SORCS3: variants seen among roughly 807,000 people sequenced by gnomAD.
SORCS3 encodes VPS10 domain-containing receptor SorCS3.
Under a neutral mutation model 146.3 loss-of-function variants are expected in SORCS3, and 57 were observed. The observed-to-expected ratio is 0.39, with a 90% confidence interval of 0.31 to 0.49. The LOEUF (loss-of-function observed/expected upper bound fraction) is 0.49. SORCS3 is among the 20% of genes least tolerant of loss of function. The pLI, the probability that SORCS3 is intolerant of heterozygous loss-of-function variation, is 0.92. For missense variants in SORCS3, 1,341 were observed against 1,575.5 expected, an observed-to-expected ratio of 0.85 and a Z score of 2.52; for synonymous variants, 653 against 618.5, an observed-to-expected ratio of 1.06 and a Z score of -0.83.
At chr10:105,036,957 G>C (rs2797819) in intron 4 of SORCS3, among the ~76,000 whole-genome samples, 31,487 of 152,078 alleles carry the variant, frequency 0.21, 3,524 homozygotes, top group African/African-American at 0.29. Flanking sequence ...TTTCCTATGA[G>C]GAAAGTTTAT....
chr10:105,051,144 G>A (rs914410509), intron 5 of SORCS3, among the ~76,000 whole-genome samples: 1 of 152,090 alleles, frequency 6.6e-6, no homozygotes, highest in African/African-American at 2.4e-5. Flanking sequence ...ATTGTTTATT[G>A]TAAATATCTG....
At chr10:104,918,498 A>G (rs1465347879) in intron 3 of SORCS3, among the ~76,000 whole-genome samples, 6 of 152,180 alleles carry the variant, frequency 3.9e-5, no homozygotes, top group Non-Finnish European at 7.3e-5. Context: ...CATGTCCTTG[A>G]TGGGCACATG....
intron 14 of SORCS3, among the ~76,000 whole-genome samples, chr10:105,196,498 G>A (rs1000889069): frequency 6.6e-6 from 1 of 152,132 alleles, no homozygotes; most frequent in African/African-American, 2.4e-5. Flanking sequence ...CCAGCTACTG[G>A]GTAGGCTGAG....
At chr10:105,156,893 C>G (rs697190) in intron 9 of SORCS3, among the ~76,000 whole-genome samples, 79,212 of 151,960 alleles carry the variant, frequency 0.52, 20,949 homozygotes, top group Middle Eastern at 0.56. Flanking sequence ...GACGAGCAAA[C>G]TGGGAAAAAA....
rs181391309 is a variant in SORCS3, at chr10:104,753,658, C to T, written c.628-89134C>T. Among the ~76,000 whole-genome samples the T allele has an allele frequency of 3.9e-5, 6 of 152,270 alleles. No individual in the cohort carries two copies. In the East Asian group the frequency reaches 7.7e-4, roughly 20 times the overall value. ...TGATGGTTTTTCCCTCCTTTCTAAACGTAGTTTTAAAATACACTAACTTTC... is the reference window on the plus strand; with the variant it reads ...TGATGGTTTTTCCCTCCTTTCTAAATGTAGTTTTAAAATACACTAACTTTC... On this transcript the variant is annotated intron_variant, in intron 1 of 26. Coordinates refer to ENST00000369701, the MANE Select transcript of SORCS3 (RefSeq NM_014978.3).
Position 105,139,504 on chromosome 10 carries a change from A to AGC in SORCS3, c.1302+20_1302+21dup. The AGC allele has an allele frequency of 6.2e-7, 1 of 1,602,230 alleles. No individual in the cohort carries two copies. The highest frequency in any genetic ancestry group is 8.5e-7 in the Non-Finnish European group (1 of 1,169,614). ...TGCCAAAGGTACTGCATGCACCACTAGCGGTCCTGGGTCCCTCTAGGCAAA... is the reference window on the plus strand; with the variant it reads ...TGCCAAAGGTACTGCATGCACCACTAGCGCGGTCCTGGGTCCCTCTAGGCAAA... On this transcript the variant is annotated intron_variant, in intron 8 of 26. Transcript: ENST00000369701.
At chr10:105,258,856 C>G (rs1054910162) in intron 25 of SORCS3, among the ~76,000 whole-genome samples, 1 of 152,198 alleles carries the variant, frequency 6.6e-6, no homozygotes, top group Non-Finnish European at 1.5e-5. Context: ...TCCAATCAAA[C>G]TGGACAATAG....
intron 2 of SORCS3, among the ~76,000 whole-genome samples, chr10:104,912,301 G>A (rs1179740260): frequency 6.6e-6 from 1 of 152,194 alleles, no homozygotes; most frequent in East Asian, 1.9e-4. Flanking sequence ...CTTCAAGAGT[G>A]TAGAATTAAG....
intron 2 of SORCS3, among the ~76,000 whole-genome samples, chr10:104,893,505 G>C (rs892790910): frequency 6.6e-6 from 1 of 152,196 alleles, no homozygotes; most frequent in Non-Finnish European, 1.5e-5. Context: ...CTTGTAGAGA[G>C]ATTTTCTATC....
intron 5 of SORCS3, 33 bp downstream of exon 5, chr10:105,043,161 G>A (rs768204491): frequency 1.3e-6 from 2 of 1,584,574 alleles, no homozygotes; most frequent in East Asian, 4.5e-5. Flanking sequence ...TTACTTCTTA[G>A]ATAAAGAATT....
intron 4 of SORCS3, among the ~76,000 whole-genome samples, chr10:105,008,742 G>T (rs2055113247): frequency 6.6e-6 from 1 of 152,224 alleles, no homozygotes; most frequent in Non-Finnish European, 1.5e-5. Flanking sequence ...CCCCTCGGGG[G>T]TTCAAGCAAT....
chr10:104,854,610 G>A (rs2018309860), intron 2 of SORCS3, among the ~76,000 whole-genome samples: 1 of 151,952 alleles, frequency 6.6e-6, no homozygotes, highest in Admixed American at 6.6e-5. Context: ...GTGGGGGTGT[G>A]GGGAAGGTAG....
intron 7 of SORCS3, among the ~76,000 whole-genome samples, chr10:105,133,273 T>C (rs1316222049): frequency 3.9e-5 from 6 of 152,236 alleles, no homozygotes; most frequent in Non-Finnish European, 8.8e-5. Context: ...CAGTATCCAA[T>C]GGAGGAATCC....
chr10:105,213,873 A>G (rs1262870301), intron 17 of SORCS3, among the ~76,000 whole-genome samples: 1 of 151,814 alleles, frequency 6.6e-6, no homozygotes, highest in East Asian at 1.9e-4. Context: ...GAGAAAAAAA[A>G]TGTGCTCTGA....
rs138424543 is a variant in SORCS3 at position 105,224,554 on chromosome 10, G to C, written c.2868+1305G>C. ...GAATAAAGCTGCTATAAACGTTCATGGGCAAGTTTTCTGTGGACATAAGTT... is the reference window on the plus strand; with the variant it reads ...GAATAAAGCTGCTATAAACGTTCATCGGCAAGTTTTCTGTGGACATAAGTT... On this transcript the variant is annotated intron_variant, in intron 20 of 26. Coordinates refer to ENST00000369701, the MANE Select transcript of SORCS3 (RefSeq NM_014978.3). Among the ~76,000 whole-genome samples the C allele has an allele frequency of 3.1e-3, 466 of 152,260 alleles. 1 individual carries two copies. Among genetic ancestry groups the C allele is most frequent in the Admixed American group, 5.8e-3 (88 of 15,292 alleles).
chr10:104,925,183 T>C (rs1253250918), intron 3 of SORCS3, among the ~76,000 whole-genome samples: 3 of 152,192 alleles, frequency 2.0e-5, no homozygotes, highest in Admixed American at 1.3e-4. Context: ...CCTGTGTTAG[T>C]TTGCTGAGAA....
intron 1 of SORCS3, among the ~76,000 whole-genome samples, chr10:104,811,075 A>C (rs2133518533): frequency 6.6e-6 from 1 of 152,368 alleles, no homozygotes; most frequent in Non-Finnish European, 1.5e-5. Context: ...GAAAGAGATA[A>C]GACATGCACG....
chr10:105,123,217 A>G (rs1351068387), intron 7 of SORCS3, among the ~76,000 whole-genome samples: 1 of 152,222 alleles, frequency 6.6e-6, no homozygotes, highest in East Asian at 1.9e-4. Context: ...ACCCCAAGTC[A>G]TCTTTGCAGA....
At chr10:104,697,350 A>G (rs558979164) in intron 1 of SORCS3, among the ~76,000 whole-genome samples, 21 of 152,296 alleles carry the variant, frequency 1.4e-4, no homozygotes, top group African/African-American at 5.1e-4. Context: ...GGCTATGTGC[A>G]TGCAGCTTGC....
Sources: gnomAD v4.1 joint callset for allele counts (sites outside exome capture counted in the v4.1 genomes callset) on GRCh38, gnomAD v4.1.1 for gene constraint, MANE v1.5 for transcripts, NCBI Gene and HGNC (gene_info 2026-07-23, HGNC 2026-07-21) for gene names.